Variants in SEC24D observed in about 807,000 individuals in gnomAD.
SEC24D encodes the protein protein transport protein Sec24D.
A neutral mutation model predicts 116.9 loss-of-function variants in SEC24D; 69 were observed. The observed-to-expected ratio is 0.59, with a 90% CI of 0.49 to 0.72. The LOEUF is 0.72. Ranked by LOEUF, SEC24D falls within the 30% of genes least tolerant of loss-of-function variation. The pLI is 0.00. For missense variants in SEC24D, 1,131 were observed against 1,264.1 expected (o/e 0.89, Z 1.60); for synonymous variants, 405 against 442.8 (o/e 0.91, Z 1.07).
chr4:118,796,159 T>A (rs540527486), intron 8 of SEC24D, among the ~76,000 whole-genome samples: 1 of 152,220 alleles, frequency 6.6e-6, no homozygotes. Context: ...GTGTTCACTA[T>A]GAAATCGTTT....
In SEC24D at chr4:118,815,849, CAT is replaced by C. The variant is rs141321218; in HGVS notation, c.398-125_398-124del. Reference sequence around the variant, plus strand: ...AAGCAAGAGGACACCCTTAGAAACACATGTTTGGGTTTTTTGCCACAAATTGA... The same window carrying C: ...AAGCAAGAGGACACCCTTAGAAACACGTTTGGGTTTTTTGCCACAAATTGA... On this transcript the variant is annotated intron_variant, in intron 4 of 22. Transcript: ENST00000280551. The C allele has an allele frequency of 1.7e-4, 181 of 1,061,982 alleles. 1 individual carries two copies. Among genetic ancestry groups the C allele is most frequent in the African/African-American group, 7.6e-4 (48 of 63,470 alleles). 65.8% of individuals were successfully genotyped at this position (1,061,982 alleles called of 1,614,324 possible).
intron 6 of SEC24D, 105 bp from the exon 7 acceptor site, chr4:118,806,059 C>T: frequency 2.9e-6 from 2 of 698,754 alleles, no homozygotes; most frequent in Non-Finnish European, 4.9e-6. Flanking sequence ...TCCCCTCCTT[C>T]TCAATATTCA....
At chr4:118,741,375 C>T (rs1726215575) in intron 15 of SEC24D, among the ~76,000 whole-genome samples, 1 of 152,124 alleles carries the variant, frequency 6.6e-6, no homozygotes, top group Non-Finnish European at 1.5e-5. Context: ...GTATAATACC[C>T]GTTTAATGAG....
In SEC24D at chr4:118,731,164, G is replaced by T. The variant is rs1050572853; in HGVS notation, c.2868+152C>A. 8 of 666,870 alleles carry T rather than the reference G, an allele frequency of 1.2e-5. No individual in the cohort carries two copies. In the African/African-American group the frequency reaches 1.3e-4, roughly 11 times the overall value. The allele number at this position is 666,870 out of a possible 1,614,324, so 41.3% of individuals were successfully genotyped here. A position where few individuals can be genotyped will look rare whatever the true frequency, so the allele number is the denominator to read the frequency against. The stretch of plus-strand genomic sequence containing the variant: ...ACAAATAACTTTATACCAGCTAATT[G>T]ATATTGATCAAAACATGAAATTATT... On this transcript the variant is annotated intron_variant, in intron 21 of 22. Coordinates refer to ENST00000280551, the MANE Select transcript of SEC24D (RefSeq NM_014822.4).
chr4:118,781,831 T>C (rs1728425733), intron 8 of SEC24D, among the ~76,000 whole-genome samples: 1 of 152,332 alleles, frequency 6.6e-6, no homozygotes, highest in Non-Finnish European at 1.5e-5. Context: ...ATTTCATTAA[T>C]TTGATCTTCG....
chr4:118,823,503 A>G (rs1730483417), intron 3 of SEC24D, among the ~76,000 whole-genome samples: 1 of 152,184 alleles, frequency 6.6e-6, no homozygotes, highest in South Asian at 2.1e-4. Flanking sequence ...CCCACCCCCA[A>G]ACCTTGCTAC....
Position 118,810,126 on chromosome 4 carries a change from G to GTT in SEC24D, c.802-4173_802-4172insAA, listed in dbSNP as rs1560737191. 2.1e-3 allele frequency among the ~76,000 whole-genome samples: 269 copies of GTT among 126,610 alleles called. 3 individuals carry two copies. The highest frequency in any genetic ancestry group is 6.4e-3 in the African/African-American group (251 of 39,000). The allele number at this position is 126,610 out of a possible 152,430, so 83.1% of individuals were successfully genotyped here. A position where few individuals can be genotyped will look rare whatever the true frequency, so the allele number is the denominator to read the frequency against. On this transcript the variant is annotated intron_variant, in intron 6 of 22. Transcript: ENST00000280551. The stretch of plus-strand genomic sequence containing the variant: ...TGTGTGTGTGTGTGTGTGTGTGTGT[G>GTT]TGTGTGTGTGTCAGAGGGTATAGGG...
chr4:118,725,817 G>C (rs1246730643), intron 22 of SEC24D, among the ~76,000 whole-genome samples: 1 of 152,172 alleles, frequency 6.6e-6, no homozygotes, highest in East Asian at 1.9e-4. Context: ...TATAGTGGAA[G>C]GTCTCAGGGG....
At chr4:118,788,618 T>C (rs2110494790) in intron 8 of SEC24D, among the ~76,000 whole-genome samples, 1 of 152,366 alleles carries the variant, frequency 6.6e-6, no homozygotes, top group South Asian at 2.1e-4. Flanking sequence ...GAAAACTACA[T>C]TGTCTTTCAA....
At chr4:118,824,575 T>G in intron 3 of SEC24D, 45 bp downstream of exon 3, 1 of 1,573,626 alleles carries the variant, frequency 6.4e-7, no homozygotes, top group Non-Finnish European at 8.6e-7. Flanking sequence ...TCTGAAATAA[T>G]TTTAGGAGAA....
At position 118,723,305 on chromosome 4, in the gene SEC24D, A is replaced by G; in HGVS notation, c.*210T>C. ...TAAAAATTAGAAACTGTGCAATCAG[A>G]AACAGATTGTTCCCTTTATGGTACA... is the stretch of plus-strand genomic sequence containing the variant. On this transcript the variant is annotated 3_prime_UTR_variant, in exon 23 of 23. Transcript: ENST00000280551. 1 of 462,956 alleles carries G rather than the reference A, an allele frequency of 2.2e-6. No homozygotes were observed. Among genetic ancestry groups the G allele is most frequent in the Admixed American group, 3.9e-5 (1 of 25,764 alleles). 28.7% of individuals were successfully genotyped at this position (462,956 alleles called of 1,614,324 possible).
At chr4:118,803,108 T>A (rs1729518648) in intron 7 of SEC24D, among the ~76,000 whole-genome samples, 1 of 151,926 alleles carries the variant, frequency 6.6e-6, no homozygotes, top group Non-Finnish European at 1.5e-5. Flanking sequence ...GAATGGGGAG[T>A]TATTGTTTAA....
intron 17 of SEC24D, 39 bp from the exon 18 acceptor site, chr4:118,739,326 A>G: frequency 1.3e-6 from 2 of 1,592,232 alleles, no homozygotes; most frequent in Non-Finnish European, 1.7e-6. Context: ...TTTTCTGATT[A>G]ACATATCCAC....
intron 8 of SEC24D, among the ~76,000 whole-genome samples, chr4:118,789,674 TC>T (rs1364394658): frequency 6.6e-6 from 1 of 152,240 alleles, no homozygotes; most frequent in Non-Finnish European, 1.5e-5. Flanking sequence ...AACCTCTGCC[TC>T]CCGGGTTTAA....
At chr4:118,738,410 G>A (rs967355643) in intron 18 of SEC24D, 31 bp from the exon 19 acceptor site, 1 of 1,433,834 alleles carries the variant, frequency 7.0e-7, no homozygotes, top group African/African-American at 1.4e-5. Flanking sequence ...AAGGACATGA[G>A]TTTTAGCTCA....
Position 118,738,314 on chromosome 4 carries a change from G to T in SEC24D, c.2443C>A (p.His815Asn). 6.2e-7 allele frequency: 1 copy of T among 1,613,572 alleles called. No homozygotes were observed. Among genetic ancestry groups the T allele is most frequent in the South Asian group, 1.1e-5 (1 of 91,066 alleles). ...TTCTTCCGGTAACATGCCAACATAT[G>T]GGCAGTCTGATTAACTAGAATTTCC... ...IREILVNQTAHMLACYRKNCA... is the reference protein window; with the variant it reads ...IREILVNQTANMLACYRKNCA... The change falls in exon 19 of 23, where the codon CAT becomes AAT. Residue 815 changes from histidine (H) to asparagine (N), a missense_variant. Coordinates refer to ENST00000280551, the MANE Select transcript of SEC24D (RefSeq NM_014822.4).
intron 8 of SEC24D, 82 bp from the exon 9 acceptor site, chr4:118,768,393 A>ATTT: frequency 3.9e-5 from 28 of 710,932 alleles, no homozygotes; most frequent in South Asian, 1.7e-4. Context: ...TTTTAATGGC[A>ATTT]CTTTTTTTTT....
At chr4:118,747,336 G>A (rs1001868598) in intron 13 of SEC24D, among the ~76,000 whole-genome samples, 10 of 143,182 alleles carry the variant, frequency 7.0e-5, no homozygotes, top group African/African-American at 1.6e-4. Flanking sequence ...GTGTGATCTC[G>A]GTTCACCACA....
At chr4:118,779,873 T>C (rs180949265) in intron 8 of SEC24D, among the ~76,000 whole-genome samples, 152 of 152,350 alleles carry the variant, frequency 1.0e-3, no homozygotes, top group African/African-American at 3.5e-3. Context: ...TCTTCTAGAT[T>C]TTCTAGTTTA....
Sources: gnomAD v4.1 joint callset for allele counts (sites outside exome capture counted in the v4.1 genomes callset) on GRCh38, gnomAD v4.1.1 for gene constraint, MANE v1.5 for transcripts, NCBI Gene and HGNC (gene_info 2026-07-23, HGNC 2026-07-21) for gene names.